PHACTR2: variants seen among roughly 807,000 people sequenced by gnomAD.
The protein encoded by PHACTR2 is phosphatase and actin regulator 2.
PHACTR2 carries 30 observed loss-of-function variants against 76.0 expected under a neutral mutation model. The ratio of observed to expected loss-of-function variants is 0.39; its 90% CI spans 0.30 to 0.54. The LOEUF is 0.54. PHACTR2 is among the 20% of genes least tolerant of loss of function. PHACTR2 has a pLI of 0.61. For synonymous variants in PHACTR2, 292 were observed against 292.5 expected, an observed-to-expected ratio of 1.00 and a Z score of 0.02; for missense variants, 696 against 781.1, an observed-to-expected ratio of 0.89 and a Z score of 1.30.
Position 143,627,733 on chromosome 6 carries a change from C to A in PHACTR2, c.13+19411C>A, listed in dbSNP as rs1381635570. Among the ~76,000 whole-genome samples, 1 of 152,024 alleles carries A rather than the reference C, an allele frequency of 6.6e-6. No homozygotes were observed. Among genetic ancestry groups the A allele is most frequent in the Non-Finnish European group, 1.5e-5 (1 of 68,016 alleles). ...TCTCCTGCCTCAGCCTCTCTAGTAG[C>A]TGGGACTACAGGCTCGTACCGCCAC... On this transcript the variant is annotated intron_variant, in intron 1 of 11. Coordinates refer to the PHACTR2 transcript ENST00000305766. This position sits in a 1 kb window ranked among gnomAD's most constrained non-coding sequence, Gnocchi z 4.3.
Position 143,652,762 on chromosome 6 carries a change from C to G in PHACTR2, c.13+44440C>G, listed in dbSNP as rs890476934. ...GGCTGAAATAAGGCGGAATGCCCAC[C>G]TGGAGATAAGTCTTGGCTGTCACAC... On this transcript the variant is annotated intron_variant, in intron 1 of 11. Coordinates refer to the PHACTR2 transcript ENST00000305766. The surrounding 1 kb of genome is among the most constrained non-coding windows in gnomAD (Gnocchi z 4.5). 6.6e-6 allele frequency among the ~76,000 whole-genome samples: 1 copy of G among 152,168 alleles called. No individual in the cohort carries two copies. Among genetic ancestry groups the G allele is most frequent in the South Asian group, 2.1e-4 (1 of 4,832 alleles).
intron 1 of PHACTR2, among the ~76,000 whole-genome samples, chr6:143,587,418 TA>T (rs1775642082): frequency 6.6e-6 from 1 of 152,194 alleles, no homozygotes; most frequent in Admixed American, 6.5e-5. Flanking sequence ...GTAAATAGAA[TA>T]ATGTCTTTTA....
Position 143,772,282 on chromosome 6 carries a change from G to A in PHACTR2, c.1257G>A (p.Gly419=). Residue 419 remains glycine, a synonymous_variant, in exon 7 of 13, where the codon GGG becomes GGA. Coordinates refer to ENST00000440869, the MANE Select transcript of PHACTR2 (RefSeq NM_001100164.2). This position sits in a 1 kb window ranked among gnomAD's most constrained non-coding sequence, Gnocchi z 5.4. The part of the protein sequence containing the change: ...AKCFTTKEEL[G]KTVPQLLTPG... ...GTTTCACAACCAAAGAGGAGCTGGG[G>A]AAGACAGTGCCTCAGCTACTGACTC... 1.2e-6 allele frequency: 2 copies of A among 1,613,818 alleles called. No individual in the cohort carries two copies. Among genetic ancestry groups the A allele is most frequent in the Non-Finnish European group, 1.7e-6 (2 of 1,179,786 alleles).
At chr6:143,635,435 T>A (rs897160048) in intron 1 of PHACTR2, among the ~76,000 whole-genome samples, 1 of 152,032 alleles carries the variant, frequency 6.6e-6, no homozygotes, top group Non-Finnish European at 1.5e-5. Flanking sequence ...CTCTTCAAAG[T>A]TGGAATTGTG....
chr6:143,751,118 A>G lies in PHACTR2; in HGVS notation c.295+2053A>G, dbSNP rs991212672. On this transcript the variant is annotated intron_variant, in intron 3 of 12. Coordinates refer to ENST00000440869, the MANE Select transcript of PHACTR2 (RefSeq NM_001100164.2). The surrounding 1 kb of genome is among the most constrained non-coding windows in gnomAD (Gnocchi z 5.7). The stretch of plus-strand genomic sequence containing the variant: ...TCCTTTCTGCTGCCAGTGAAGATTC[A>G]TTGTTTGCCTTGATCTTCTTGACCT... Among the ~76,000 whole-genome samples, 1 of 152,184 alleles carries G rather than the reference A, an allele frequency of 6.6e-6. No individual in the cohort carries two copies. Among genetic ancestry groups the G allele is most frequent in the Non-Finnish European group, 1.5e-5 (1 of 68,034 alleles).
At chr6:143,734,649 T>C (rs1334982572) in intron 2 of PHACTR2, among the ~76,000 whole-genome samples, 1 of 152,232 alleles carries the variant, frequency 6.6e-6, no homozygotes, top group African/African-American at 2.4e-5. Context: ...TTTCCCTTTT[T>C]TTTCCATCAC....
Position 143,750,800 on chromosome 6 carries a change from TA to T in PHACTR2, c.295+1739del. On this transcript the variant is annotated intron_variant, in intron 3 of 12. Coordinates refer to ENST00000440869, the MANE Select transcript of PHACTR2 (RefSeq NM_001100164.2). This position sits in a 1 kb window ranked among gnomAD's most constrained non-coding sequence, Gnocchi z 4.6. ...CTTTTCCAGTGGAAACTAAAAGTTT[TA>T]AAACATAAAAGAACAAAACAATTTT... 6.6e-6 allele frequency among the ~76,000 whole-genome samples: 1 copy of T among 152,330 alleles called. No homozygotes were observed. The highest frequency in any genetic ancestry group is 3.4e-3 in the Middle Eastern group (1 of 294).
At chr6:143,564,477 A>G (rs1014490063) in intron 1 of PHACTR2, among the ~76,000 whole-genome samples, 4 of 152,098 alleles carry the variant, frequency 2.6e-5, no homozygotes, top group Middle Eastern at 3.4e-3. Context: ...GTTATATCAT[A>G]TAAAACATTT....
At chr6:143,798,523 T>C (rs1775881734) in intron 11 of PHACTR2, among the ~76,000 whole-genome samples, 1 of 152,218 alleles carries the variant, frequency 6.6e-6, no homozygotes, top group Non-Finnish European at 1.5e-5. Flanking sequence ...CAGTATGATA[T>C]TGTCTGTGGG....
rs1775441223 is a variant in PHACTR2 at position 143,571,045 on chromosome 6, G to C, written c.217+33838G>C. 6.6e-6 allele frequency among the ~76,000 whole-genome samples: 1 copy of C among 152,078 alleles called. No homozygotes were observed. The highest frequency in any genetic ancestry group is 1.5e-5 in the Non-Finnish European group (1 of 68,016). The stretch of plus-strand genomic sequence containing the variant: ...TTAGCTGCTGCAAAACTGGTACATG[G>C]AGTTCTCGTATACTCTTCACCTGGA... On this transcript the variant is annotated intron_variant, in intron 1 of 11. Coordinates refer to the PHACTR2 transcript ENST00000367584. The surrounding 1 kb of genome is among the most constrained non-coding windows in gnomAD (Gnocchi z 4.6).
intron 1 of PHACTR2, among the ~76,000 whole-genome samples, chr6:143,601,215 G>A (rs1046063496): frequency 1.3e-5 from 2 of 152,248 alleles, no homozygotes; most frequent in African/African-American, 4.8e-5. Context: ...GGTGTCAGTT[G>A]TGGGTTCCAA....
At chr6:143,640,771 A>C (rs998886815) in intron 1 of PHACTR2, among the ~76,000 whole-genome samples, 4 of 152,230 alleles carry the variant, frequency 2.6e-5, no homozygotes, top group African/African-American at 9.6e-5. Context: ...AGATATGTCT[A>C]TGTCCTAACT....
rs1356434522 is a variant in PHACTR2 at position 143,806,610 on chromosome 6, A to G, written c.1846-447A>G. Among the ~76,000 whole-genome samples, 2 of 152,148 alleles carry G rather than the reference A, an allele frequency of 1.3e-5. No individual in the cohort carries two copies. The highest frequency in any genetic ancestry group is 4.8e-5 in the African/African-American group (2 of 41,442). On this transcript the variant is annotated intron_variant, in intron 11 of 12. Transcript: ENST00000440869. This position sits in a 1 kb window ranked among gnomAD's most constrained non-coding sequence, Gnocchi z 5.8. ...TGCCAATGGCACTTGAAGGAAGTCT[A>G]TCATGGTTTTAGTTTGGCTATAGTA...
In PHACTR2 at chr6:143,772,255, C is replaced by T; in HGVS notation, c.1233-3C>T. The T allele has an allele frequency of 6.2e-7, 1 of 1,611,066 alleles. No individual in the cohort carries two copies. Among genetic ancestry groups the T allele is most frequent in the Non-Finnish European group, 8.5e-7 (1 of 1,177,336 alleles). ...CACTCCCATGCTTTTCTGCCTTTAA[C>T]AGTTTCACAACCAAAGAGGAGCTGG... On this transcript the variant is annotated splice_polypyrimidine_tract_variant and splice_region_variant and intron_variant, in intron 6 of 12. Coordinates refer to ENST00000440869, the MANE Select transcript of PHACTR2 (RefSeq NM_001100164.2). This position sits in a 1 kb window ranked among gnomAD's most constrained non-coding sequence, Gnocchi z 5.4.
chr6:143,716,012 G>A (rs1778293203), intron 2 of PHACTR2, among the ~76,000 whole-genome samples: 1 of 152,170 alleles, frequency 6.6e-6, no homozygotes, highest in African/African-American at 2.4e-5. Flanking sequence ...TAGGCCACTA[G>A]AGAAGACAGG....
Position 143,704,987 on chromosome 6 carries a change from C to T in PHACTR2, c.47-7029C>T, listed in dbSNP as rs143230864. Among the ~76,000 whole-genome samples, 222 of 151,814 alleles carry T rather than the reference C, an allele frequency of 1.5e-3. 3 individuals are homozygous for T. In the East Asian group the frequency reaches 0.022, roughly 15 times the overall value. On this transcript the variant is annotated intron_variant, in intron 1 of 12. Transcript: ENST00000440869. ...GACTACACACACGCTCCACCATGCC[C>T]GGATAATGTTTTGCATTTTTAGTAG...
chr6:143,628,794 T>C (rs1165863443), intron 1 of PHACTR2, among the ~76,000 whole-genome samples: 1 of 151,618 alleles, frequency 6.6e-6, no homozygotes, highest in Non-Finnish European at 1.5e-5. Flanking sequence ...ACCCTACCCA[T>C]GGTCTTTCTC....
At position 143,622,600 on chromosome 6, in the gene PHACTR2, A is replaced by C. The variant is rs990724582; in HGVS notation, c.13+14278A>C. Among the ~76,000 whole-genome samples, 12 of 152,332 alleles carry C rather than the reference A, an allele frequency of 7.9e-5. No individual in the cohort carries two copies. In the South Asian group the frequency reaches 1.2e-3, roughly 16 times the overall value. ...ATGTATATAGACCATCTCATTACAT[A>C]GATTTTAAAAATATTTAAGGAGAAA... On this transcript the variant is annotated intron_variant, in intron 1 of 11. Transcript: ENST00000305766.
At position 143,537,389 on chromosome 6, in the gene PHACTR2, G is replaced by C. The variant is rs991150731; in HGVS notation, c.217+182G>C. Among the ~76,000 whole-genome samples, 23 of 152,234 alleles carry C rather than the reference G, an allele frequency of 1.5e-4. No homozygotes were observed. The highest frequency in any genetic ancestry group is 3.4e-3 in the Middle Eastern group (1 of 294). On this transcript the variant is annotated intron_variant, in intron 1 of 11. Coordinates refer to the PHACTR2 transcript ENST00000367584. The surrounding 1 kb of genome is among the most constrained non-coding windows in gnomAD (Gnocchi z 4.4). ...ACACTGCCGCCTCCTCGGCCGCCCG[G>C]GCTCGGCGACCCTAGGCGGAAGATG...
Sources: gnomAD v4.1 joint callset for allele counts (sites outside exome capture counted in the v4.1 genomes callset) on GRCh38, gnomAD v4.1.1 for gene constraint, Gnocchi (gnomAD v3.1) non-coding constraint, MANE v1.5 for transcripts, NCBI Gene and HGNC (gene_info 2026-07-23, HGNC 2026-07-21) for gene names.